CFAP20DC: variants seen among roughly 807,000 people sequenced by gnomAD.
The protein encoded by CFAP20DC is protein CFAP20DC.
Under a neutral mutation model 101.7 loss-of-function variants are expected in CFAP20DC, and 84 were observed. The ratio of observed to expected loss-of-function variants is 0.83; its 90% confidence interval spans 0.69 to 0.99. The LOEUF is 0.99. Among genes scored for constraint, CFAP20DC ranks in the 50% least tolerant of loss-of-function variants. CFAP20DC has a pLI of 0.00. For missense variants in CFAP20DC, 1,007 were observed against 970.3 expected (o/e 1.04, Z -0.50); for synonymous variants, 359 against 351.2 (o/e 1.02, Z -0.25).
intron 5 of CFAP20DC, among the ~76,000 whole-genome samples, chr3:58,935,938 TG>T: frequency 6.6e-6 from 1 of 151,982 alleles, no homozygotes; most frequent in East Asian, 1.9e-4. Flanking sequence ...CTAATTAAAC[TG>T]AAGAGCTTCT....
chr3:58,941,327 CAAAAAAAAA>C (rs752324535), intron 4 of CFAP20DC, among the ~76,000 whole-genome samples: 12 of 19,530 alleles, frequency 6.1e-4, no homozygotes, highest in African/African-American at 2.0e-3. Flanking sequence ...GACTCCGTCT[CAAAAAAAAA>C]AAAAAAAAAA....
chr3:58,863,695 A>C lies in CFAP20DC; in HGVS notation c.1456T>G (p.Ser486Ala). The C allele has an allele frequency of 6.2e-7, 1 of 1,614,140 alleles. No individual in the cohort carries two copies. Among genetic ancestry groups the C allele is most frequent in the Non-Finnish European group, 8.5e-7 (1 of 1,180,026 alleles). The change falls in exon 12 of 17, where the codon TCA becomes GCA. Residue 486 changes from serine to alanine, a missense_variant. By Grantham distance (99) the Ser-to-Ala change is moderately conservative. Transcript: ENST00000482387. The surrounding 1 kb of genome is among the most constrained non-coding windows in gnomAD (Gnocchi z 5.9). Reference sequence around the variant, plus strand: ...GTCTGAGTCTTTCCATGAGGTGCTGATCGTGGTCTTGATGAAAAAGTGAAA... The same window carrying C: ...GTCTGAGTCTTTCCATGAGGTGCTGCTCGTGGTCTTGATGAAAAAGTGAAA... ...DIFTFSSRPR[S>A]APHGKTQTMS...
intron 4 of CFAP20DC, among the ~76,000 whole-genome samples, chr3:58,997,900 CA>C (rs1197694158): frequency 1.3e-5 from 2 of 152,012 alleles, no homozygotes; most frequent in Non-Finnish European, 2.9e-5. Context: ...GGGGGTCCAG[CA>C]AAGAATTAGA....
intron 15 of CFAP20DC, among the ~76,000 whole-genome samples, chr3:58,770,410 A>G (rs537676630): frequency 1.2e-4 from 18 of 152,228 alleles, no homozygotes; most frequent in Non-Finnish European, 2.6e-4. Flanking sequence ...ACTACTGGGA[A>G]CAGGTCACTA....
rs140790060 is a variant in CFAP20DC at position 58,905,184 on chromosome 3, C to T, written c.550+8524G>A. On this transcript the variant is annotated intron_variant, in intron 6 of 16. Coordinates refer to ENST00000482387, the MANE Select transcript of CFAP20DC (RefSeq NM_001394063.1). ...AGTAAGGAGACCTGTATCATCATCA[C>T]TGGTGTATCATATCTTGCTTCATGG... Among the ~76,000 whole-genome samples, 1,293 of 152,262 alleles carry T rather than the reference C, an allele frequency of 8.5e-3. 10 individuals carry two copies. The highest frequency in any genetic ancestry group is 0.031 in the South Asian group (152 of 4,826).
intron 14 of CFAP20DC, among the ~76,000 whole-genome samples, 190 bp downstream of exon 14, chr3:58,831,496 A>C (rs1414387193): frequency 6.6e-6 from 1 of 152,228 alleles, no homozygotes; most frequent in Non-Finnish European, 1.5e-5. Context: ...AAATAAGACA[A>C]TTTAAGAAAA....
chr3:58,793,356 T>G (rs2073003999), intron 15 of CFAP20DC, among the ~76,000 whole-genome samples: 1 of 152,176 alleles, frequency 6.6e-6, no homozygotes, highest in Non-Finnish European at 1.5e-5. Flanking sequence ...GCACTGAAAT[T>G]TAGAAATTCA....
At chr3:58,999,089 G>C (rs1335977599) in intron 4 of CFAP20DC, among the ~76,000 whole-genome samples, 3 of 152,166 alleles carry the variant, frequency 2.0e-5, no homozygotes, top group Non-Finnish European at 1.5e-5. Context: ...TGATGCTAGA[G>C]GAAGAGAAGA....
chr3:58,967,163 A>C (rs1200515559), intron 4 of CFAP20DC, among the ~76,000 whole-genome samples: 2 of 152,240 alleles, frequency 1.3e-5, no homozygotes, highest in African/African-American at 2.4e-5. Flanking sequence ...CAGGCATATA[A>C]ATCAGTGGAA....
intron 7 of CFAP20DC, among the ~76,000 whole-genome samples, chr3:58,872,410 A>G (rs1390877510): frequency 6.6e-6 from 1 of 152,148 alleles, no homozygotes; most frequent in Non-Finnish European, 1.5e-5. Context: ...GGTTTGTGAA[A>G]ATATACCATA....
chr3:58,813,545 C>A (rs930820567), intron 14 of CFAP20DC, among the ~76,000 whole-genome samples: 3 of 151,922 alleles, frequency 2.0e-5, no homozygotes, highest in Admixed American at 2.0e-4. Context: ...CTGAGGAGAA[C>A]AACGTAGCCA....
chr3:58,809,852 A>G (rs2074454034), intron 14 of CFAP20DC, among the ~76,000 whole-genome samples: 1 of 152,182 alleles, frequency 6.6e-6, no homozygotes, highest in African/African-American at 2.4e-5. Flanking sequence ...TAGACACAAT[A>G]AAAAATGATA....
At position 58,812,221 on chromosome 3, in the gene CFAP20DC, C is replaced by G. The variant is rs563289840; in HGVS notation, c.2176-5765G>C. 8.3e-4 allele frequency among the ~76,000 whole-genome samples: 126 copies of G among 152,112 alleles called. 1 individual carries two copies. Among genetic ancestry groups the G allele is most frequent in the Middle Eastern group, 3.4e-3 (1 of 294 alleles). The stretch of plus-strand genomic sequence containing the variant: ...CATTACTGGGTATATACCCAAAGGA[C>G]TATAAATCATGCTGCTATAAAGACA... On this transcript the variant is annotated intron_variant, in intron 14 of 16. Transcript: ENST00000482387.
Position 58,799,886 on chromosome 3 carries a change from T to C in CFAP20DC, c.2237+6509A>G, listed in dbSNP as rs530429941. On this transcript the variant is annotated intron_variant, in intron 15 of 16. Coordinates refer to ENST00000482387, the MANE Select transcript of CFAP20DC (RefSeq NM_001394063.1). The surrounding 1 kb of genome is among the most constrained non-coding windows in gnomAD (Gnocchi z 4.9). ...GGGTGGACACTAAGAAAGGGCCTCC[T>C]GAGGAGAGGATGTTTATTTACGTGG... Among the ~76,000 whole-genome samples the C allele has an allele frequency of 2.6e-5, 4 of 152,196 alleles. No individual in the cohort carries two copies. Among genetic ancestry groups the C allele is most frequent in the Admixed American group, 6.5e-5 (1 of 15,282 alleles).
Position 58,914,075 on chromosome 3 carries a change from T to C in CFAP20DC, c.394-211A>G, listed in dbSNP as rs577157027. ...AATCACCATAATTCTAAATTACACA[T>C]TGGTCATCTGACTACAGAATTCCCA... is the stretch of plus-strand genomic sequence containing the variant. On this transcript the variant is annotated intron_variant, in intron 5 of 16. Coordinates refer to ENST00000482387, the MANE Select transcript of CFAP20DC (RefSeq NM_001394063.1). The surrounding 1 kb of genome is among the most constrained non-coding windows in gnomAD (Gnocchi z 4.9). Among the ~76,000 whole-genome samples the C allele has an allele frequency of 4.6e-5, 7 of 152,274 alleles. No individual in the cohort carries two copies. Among genetic ancestry groups the C allele is most frequent in the African/African-American group, 1.7e-4 (7 of 41,578 alleles).
chr3:58,890,446 C>G (rs956927385), intron 6 of CFAP20DC, among the ~76,000 whole-genome samples: 3 of 145,512 alleles, frequency 2.1e-5, no homozygotes, highest in East Asian at 2.1e-4. Context: ...GCTGACCCCC[C>G]CCACGTCCCT....
intron 4 of CFAP20DC, among the ~76,000 whole-genome samples, chr3:58,967,656 T>C (rs2091665549): frequency 6.6e-6 from 1 of 152,186 alleles, no homozygotes; most frequent in East Asian, 1.9e-4. Flanking sequence ...CTCATATGAA[T>C]CAACAACGAA....
chr3:59,017,599 A>AT (rs1369702716), intron 4 of CFAP20DC: 1 of 152,048 alleles, frequency 6.6e-6, no homozygotes, highest in Non-Finnish European at 1.5e-5. Flanking sequence ...CCCTACATCC[A>AT]TTTTTTGGTT....
intron 6 of CFAP20DC, among the ~76,000 whole-genome samples, chr3:58,896,898 G>A (rs573597626): frequency 1.3e-5 from 2 of 152,220 alleles, no homozygotes; most frequent in East Asian, 3.9e-4. Context: ...TATCTATCAG[G>A]TCCACTTGAT....
Sources: allele counts gnomAD v4.1 joint callset (sites outside exome capture counted in the v4.1 genomes callset), GRCh38; gene constraint gnomAD v4.1.1; non-coding constraint Gnocchi (gnomAD v3.1); transcripts MANE v1.5; gene names NCBI Gene and HGNC (gene_info 2026-07-23, HGNC 2026-07-21).